The following CPZ variants were observed in gnomAD, a reference collection of about 807,000 sequenced individuals.
The protein encoded by CPZ is VEZT/CPZ fusion.
CPZ carries 103 observed loss-of-function variants against 61.8 expected under a neutral mutation model. That is an observed-to-expected ratio of 1.67 (90% CI 1.42 to 1.96). The LOEUF is 1.96. Ranked by LOEUF, CPZ falls within the 30% of genes most tolerant of loss-of-function variation. The pLI is 0.00. For missense variants in CPZ, 1,461 were observed against 914.9 expected, an observed-to-expected ratio of 1.60 and a Z score of -7.70; for synonymous variants, 551 against 373.7, an observed-to-expected ratio of 1.47 and a Z score of -5.47.
At chr4:8,609,227 C>CTTACTCATTCACTTACTCACTCAT (rs1553877702) in intron 7 of CPZ, among the ~76,000 whole-genome samples, 1 of 150,362 alleles carries the variant, frequency 6.7e-6, no homozygotes, top group Non-Finnish European at 1.5e-5. Context: ...CACTTACTCA[C>CTTACTCATTCACTTACTCACTCAT]TCATTGTCAC....
intron 7 of CPZ, among the ~76,000 whole-genome samples, chr4:8,608,288 A>G (rs1021721260): frequency 4.6e-5 from 7 of 151,948 alleles, no homozygotes; most frequent in Admixed American, 1.3e-4. Flanking sequence ...GTGGAGAGCC[A>G]GGCCTGCCCT....
rs1716504435 is a variant in CPZ, at chr4:8,619,523, GCA to G, written c.1866_1867del (p.Arg623AlafsTer8). 1.3e-6 allele frequency: 2 copies of G among 1,592,716 alleles called. No individual in the cohort carries two copies. Among genetic ancestry groups the G allele is most frequent in the Non-Finnish European group, 8.6e-7 (1 of 1,168,082 alleles). On this transcript the variant is annotated frameshift_variant, in exon 11 of 11. Transcript: ENST00000360986. LOFTEE classifies it high-confidence loss of function. ...ACGGAGCCCGACCCGCTCCGGGCGC[GCA>G]GGCAGCCCTCGGCCGACGGGAGTAA...
At chr4:8,618,971 A>G (rs1716447439) in intron 10 of CPZ, among the ~76,000 whole-genome samples, 2 of 140,932 alleles carry the variant, frequency 1.4e-5, no homozygotes, top group African/African-American at 2.5e-5. Flanking sequence ...CCTGGCAGAG[A>G]TGTGGTCCAG....
At chr4:8,601,101 C>T (rs1714541508) in intron 2 of CPZ, 22 bp from the exon 3 acceptor site, 3 of 1,551,506 alleles carry the variant, frequency 1.9e-6, no homozygotes, top group African/African-American at 1.4e-5. Flanking sequence ...GAGGGACTGA[C>T]CTGCCGACCC....
At position 8,619,344 on chromosome 4, in the gene CPZ, C is replaced by T. The variant is rs1226719155; in HGVS notation, c.1686C>T (p.Ile562=). The change falls in exon 11 of 11, where the codon ATC becomes ATT. Residue 562 remains isoleucine, a synonymous_variant. Coordinates refer to ENST00000360986, the MANE Select transcript of CPZ (RefSeq NM_001014447.3). The part of the protein sequence containing the change: ...IAQAPGYAKV[I]KKVIIPARMK... ...AAGCCCCTGGCTACGCCAAAGTCAT[C>T]AAGAAAGTCATCATCCCCGCCCGGA... The T allele has an allele frequency of 6.2e-7, 1 of 1,614,072 alleles. No individual in the cohort carries two copies. Among genetic ancestry groups the T allele is most frequent in the Non-Finnish European group, 8.5e-7 (1 of 1,180,018 alleles).
intron 8 of CPZ, among the ~76,000 whole-genome samples, chr4:8,613,372 C>T (rs565443290): frequency 1.4e-4 from 22 of 152,292 alleles, no homozygotes; most frequent in African/African-American, 4.8e-4. Context: ...CCTCGTGATC[C>T]GCCTGCCTCG....
At chr4:8,609,071 A>ATACACTCAC (rs1560297756) in intron 7 of CPZ, among the ~76,000 whole-genome samples, 3 of 89,538 alleles carry the variant, frequency 3.4e-5, no homozygotes, top group African/African-American at 1.7e-4. Flanking sequence ...TCCCTCACTC[A>ATACACTCAC]CCACTCATAC....
intron 7 of CPZ, among the ~76,000 whole-genome samples, chr4:8,609,724 G>C (rs539027131): frequency 6.6e-6 from 1 of 152,248 alleles, no homozygotes; most frequent in East Asian, 1.9e-4. Context: ...TCCCCAGGGG[G>C]GATGTTCACC....
At chr4:8,604,624 G>A (rs1056093766) in intron 4 of CPZ, among the ~76,000 whole-genome samples, 4 of 152,174 alleles carry the variant, frequency 2.6e-5, no homozygotes, top group Non-Finnish European at 5.9e-5. Flanking sequence ...CGGGACTCCA[G>A]GCATGGGCCA....
intron 7 of CPZ, among the ~76,000 whole-genome samples, chr4:8,608,311 C>CTGCA (rs1197699008): frequency 6.6e-6 from 1 of 152,212 alleles, no homozygotes; most frequent in Non-Finnish European, 1.5e-5. Flanking sequence ...ACCTCCCTCC[C>CTGCA]TGCACTTTCC....
chr4:8,595,327 C>G (rs966613210), intron 1 of CPZ, among the ~76,000 whole-genome samples: 4 of 152,196 alleles, frequency 2.6e-5, no homozygotes, highest in Non-Finnish European at 5.9e-5. Flanking sequence ...TGTGCGTTTG[C>G]AAGTCTGCAG....
chr4:8,609,682 G>T (rs7674757), intron 7 of CPZ, among the ~76,000 whole-genome samples: 25 of 152,128 alleles, frequency 1.6e-4, no homozygotes, highest in African/African-American at 5.8e-4. Flanking sequence ...GGCCCAGTGT[G>T]TCTCAGCCTC....
At chr4:8,605,625 T>TCCACC (rs879783652) in intron 4 of CPZ, among the ~76,000 whole-genome samples, 12 of 108,874 alleles carry the variant, frequency 1.1e-4, no homozygotes, top group African/African-American at 6.1e-4. Context: ...CATCCATCCA[T>TCCACC]CATTGATATA....
chr4:8,611,902 C>T (rs1715729783), intron 7 of CPZ, 125 bp from the exon 8 acceptor site: 3 of 1,346,150 alleles, frequency 2.2e-6, no homozygotes, highest in South Asian at 2.6e-5. Context: ...TACCTGCAGA[C>T]ACCATTCCCC....
In CPZ at chr4:8,607,383, C is replaced by T. The variant is rs961343700; in HGVS notation, c.1185C>T (p.His395=). The T allele has an allele frequency of 1.2e-6, 2 of 1,614,062 alleles. No individual in the cohort carries two copies. The highest frequency in any genetic ancestry group is 1.1e-5 in the South Asian group (1 of 91,078). ...CCTACCCCTTCGACTTCTCCAAGCA[C>T]CCCCAGGAGGAGAAGATGTTTTCTC... ...VVSYPFDFSK[H]PQEEKMFSPT... is the part of the protein sequence containing the mutation. Residue 395 remains histidine (H), a synonymous_variant, in exon 7 of 11, where the codon CAC becomes CAT. Transcript: ENST00000360986.
At chr4:8,610,892 A>C (rs565967850) in intron 7 of CPZ, among the ~76,000 whole-genome samples, 4 of 152,222 alleles carry the variant, frequency 2.6e-5, no homozygotes, top group African/African-American at 4.8e-5. Flanking sequence ...TTCCTCACCA[A>C]CCCCAAACCT....
At chr4:8,611,182 A>G (rs1376552684) in intron 7 of CPZ, 2 of 453,776 alleles carry the variant, frequency 4.4e-6, no homozygotes, top group African/African-American at 4.0e-5. Flanking sequence ...CCTCCTCAGC[A>G]CAGACCTGTC....
chr4:8,613,763 G>A (rs1377580889), intron 8 of CPZ, among the ~76,000 whole-genome samples: 4 of 152,356 alleles, frequency 2.6e-5, no homozygotes, highest in Admixed American at 6.5e-5. Flanking sequence ...AGGCCTTCTC[G>A]GCTGGCCAGG....
intron 7 of CPZ, chr4:8,611,077 CAT>C: frequency 2.8e-6 from 1 of 362,970 alleles, no homozygotes; most frequent in Non-Finnish European, 5.8e-6. Context: ...TTCACTCATT[CAT>C]TCGCTCATTC....
Sources: gnomAD v4.1 joint callset for allele counts (sites outside exome capture counted in the v4.1 genomes callset) on GRCh38, gnomAD v4.1.1 for gene constraint, MANE v1.5 for transcripts, NCBI Gene and HGNC (gene_info 2026-07-23, HGNC 2026-07-21) for gene names.